Variants in AGTPBP1 observed in about 807,000 individuals in gnomAD.
AGTPBP1 encodes ATP/GTP binding carboxypeptidase 1.
A neutral mutation model predicts 143.9 loss-of-function variants in AGTPBP1; 70 were observed. The ratio of observed to expected loss-of-function variants is 0.49; its 90% confidence interval spans 0.40 to 0.59. AGTPBP1 has a LOEUF of 0.59. AGTPBP1 is among the 20% of genes least tolerant of loss of function. The pLI is 0.00. For synonymous variants in AGTPBP1, 463 were observed against 500.2 expected, an observed-to-expected ratio of 0.93 and a Z score of 0.99; for missense variants, 1,229 against 1,464.5, an observed-to-expected ratio of 0.84 and a Z score of 2.62.
At chr9:85,593,967 A>G (rs1028152066) in intron 18 of AGTPBP1, among the ~76,000 whole-genome samples, 7 of 152,224 alleles carry the variant, frequency 4.6e-5, no homozygotes, top group African/African-American at 1.7e-4. Flanking sequence ...TTTCATGCAC[A>G]TAAATGTTCA....
chr9:85,620,822 C>T (rs1830886934), intron 15 of AGTPBP1, among the ~76,000 whole-genome samples: 1 of 152,096 alleles, frequency 6.6e-6, no homozygotes, highest in African/African-American at 2.4e-5. Flanking sequence ...ATTTGTTATC[C>T]TAATGAAATG....
chr9:85,664,726 T>C (rs1422429714), intron 8 of AGTPBP1, among the ~76,000 whole-genome samples: 3 of 152,172 alleles, frequency 2.0e-5, no homozygotes, highest in Non-Finnish European at 2.9e-5. Flanking sequence ...TTAAGAAAGC[T>C]GAGACAAAAT....
At position 85,678,409 on chromosome 9, in the gene AGTPBP1, T is replaced by C. The variant is rs766014342; in HGVS notation, c.226-11A>G. Reference sequence around the variant, plus strand: ...AAGATCTTTTGTGTTCTGAAATAAATAGTTTGTTTTATTAAAACATTGTAA... The same window carrying C: ...AAGATCTTTTGTGTTCTGAAATAAACAGTTTGTTTTATTAAAACATTGTAA... On this transcript the variant is annotated splice_polypyrimidine_tract_variant and intron_variant, in intron 4 of 25. Transcript: ENST00000357081. The C allele has an allele frequency of 3.3e-6, 5 of 1,531,526 alleles. No homozygotes were observed. Among genetic ancestry groups the C allele is most frequent in the Non-Finnish European group, 4.5e-6 (5 of 1,120,752 alleles). The allele number at this position is 1,531,526 out of a possible 1,614,324, so 94.9% of individuals were successfully genotyped here. A position where few individuals can be genotyped will look rare whatever the true frequency, so the allele number is the denominator to read the frequency against.
chr9:85,642,397 C>T (rs987086913), intron 13 of AGTPBP1, among the ~76,000 whole-genome samples: 2 of 151,472 alleles, frequency 1.3e-5, no homozygotes, highest in Non-Finnish European at 2.9e-5. Flanking sequence ...GGCGAGATCT[C>T]GGCTCACTGC....
At chr9:85,790,441 C>T in the AGTPBP1 span, among the ~76,000 whole-genome samples, 6 of 152,284 alleles carry the variant, frequency 3.9e-5, no homozygotes, top group Non-Finnish European at 8.8e-5. Flanking sequence ...CTGGAATGTA[C>T]TGCATACAAA....
intron 21 of AGTPBP1, among the ~76,000 whole-genome samples, chr9:85,587,923 C>T (rs1828715236): frequency 6.6e-6 from 1 of 151,858 alleles, no homozygotes; most frequent in Non-Finnish European, 1.5e-5. Context: ...GAGTCTTAAT[C>T]TTAGAACAAT....
intron 1 of AGTPBP1, among the ~76,000 whole-genome samples, chr9:85,722,708 T>C (rs565886379): frequency 6.6e-6 from 1 of 152,320 alleles, no homozygotes; most frequent in Non-Finnish European, 1.5e-5. Flanking sequence ...TCCAGTTTTG[T>C]TCCTTTGCAG....
chr9:85,797,190 C>T, the AGTPBP1 span, among the ~76,000 whole-genome samples: 1 of 151,948 alleles, frequency 6.6e-6, no homozygotes. Context: ...GCGATGATAG[C>T]CCACTGCAGC....
intron 2 of AGTPBP1, among the ~76,000 whole-genome samples, chr9:85,705,419 G>T (rs1301666370): frequency 6.6e-6 from 1 of 152,092 alleles, no homozygotes; most frequent in East Asian, 1.9e-4. Context: ...GCTCACACCG[G>T]TAATCCCAGC....
At chr9:85,742,066 C>G, upstream of AGTPBP1, 1 of 1,126,002 alleles carries the variant, frequency 8.9e-7, no homozygotes, top group Non-Finnish European at 1.1e-6. Context: ...GCGAAAGGGG[C>G]GGGGCGGAGC....
chr9:85,700,608 G>A (rs1343871860), intron 2 of AGTPBP1, among the ~76,000 whole-genome samples: 2 of 152,182 alleles, frequency 1.3e-5, no homozygotes, highest in Non-Finnish European at 2.9e-5. Context: ...CCAAGTCCTG[G>A]CAAGTGAGAT....
At position 85,605,184 on chromosome 9, in the gene AGTPBP1, T is replaced by C. The variant is rs528443676; in HGVS notation, c.2336-8735A>G. On this transcript the variant is annotated intron_variant, in intron 17 of 25. Transcript: ENST00000357081. ...TTAACCCCAAGACTACTTCCAGCCATTTAATAATCAAACTCCTAAAGGTCA... is the reference window on the plus strand; with the variant it reads ...TTAACCCCAAGACTACTTCCAGCCACTTAATAATCAAACTCCTAAAGGTCA... Among the ~76,000 whole-genome samples the C allele has an allele frequency of 7.2e-5, 11 of 152,216 alleles. No homozygotes were observed. In the South Asian group the frequency reaches 2.3e-3, roughly 32 times the overall value.
intron 17 of AGTPBP1, among the ~76,000 whole-genome samples, chr9:85,613,532 A>C (rs1830440597): frequency 6.6e-6 from 1 of 151,940 alleles, no homozygotes; most frequent in Non-Finnish European, 1.5e-5. Flanking sequence ...AAAAATATAT[A>C]ATACAAATTA....
chr9:85,591,883 T>C (rs1828990737), intron 19 of AGTPBP1, among the ~76,000 whole-genome samples: 1 of 152,170 alleles, frequency 6.6e-6, no homozygotes, highest in South Asian at 2.1e-4. Flanking sequence ...AGAATAGATA[T>C]TCTGTTCTGA....
intron 5 of AGTPBP1, among the ~76,000 whole-genome samples, chr9:85,677,833 G>A (rs538188471): frequency 5.9e-5 from 9 of 151,954 alleles, no homozygotes; most frequent in Non-Finnish European, 1.2e-4. Flanking sequence ...GTGAAACCCC[G>A]TCTCAACTAA....
At chr9:85,750,623 A>T in the AGTPBP1 span, among the ~76,000 whole-genome samples, 1 of 152,194 alleles carries the variant, frequency 6.6e-6, no homozygotes, top group South Asian at 2.1e-4. Flanking sequence ...CAGCCAGTGT[A>T]TGTTGTAGTT....
Position 85,588,378 on chromosome 9 carries a change from GT to G in AGTPBP1, c.2822del (p.Asn941ThrfsTer19). On this transcript the variant is annotated frameshift_variant, in exon 21 of 26. Transcript: ENST00000357081. LOFTEE classifies it high-confidence loss of function. ...ATTCTCGTAAGCTCTGAGCAGTGGG[GT>G]TATTGCTCATGAGATATTCCAACGT... ...KGTLEYLMSN[N>X]PTAQSLRESY... is the part of the protein sequence containing the mutation. 6.2e-7 allele frequency: 1 copy of G among 1,613,374 alleles called. No homozygotes were observed. The highest frequency in any genetic ancestry group is 1.7e-5 in the Admixed American group (1 of 59,950).
At chr9:85,562,228 CAA>C (rs71370872) in intron 25 of AGTPBP1, among the ~76,000 whole-genome samples, 13 of 130,260 alleles carry the variant, frequency 1.0e-4, no homozygotes, top group Admixed American at 1.5e-4. Flanking sequence ...AAAAGAAAGC[CAA>C]AAAAAAAAAA....
chr9:85,765,450 A>ATAGTTACAGTTTTTTTAAAACTATAGTTT, the AGTPBP1 span, among the ~76,000 whole-genome samples: 85 of 152,198 alleles, frequency 5.6e-4, 1 homozygote, highest in African/African-American at 7.9e-4. Context: ...CCTTTTAGTT[A>ATAGTTACAGTTTTTTTAAAACTATAGTTT]TAGTTACAGT....
Sources: gnomAD v4.1 joint callset for allele counts (sites outside exome capture counted in the v4.1 genomes callset) on GRCh38, gnomAD v4.1.1 for gene constraint, MANE v1.5 for transcripts, NCBI Gene and HGNC (gene_info 2026-07-23, HGNC 2026-07-21) for gene names.